The following PAX9 variants were observed in gnomAD, a reference collection of about 807,000 sequenced individuals.
PAX9 encodes the protein paired box 9.
In PAX9, 6 loss-of-function variants were observed where a neutral mutation model predicts 29.1. The observed-to-expected ratio is 0.21, with a 90% CI of 0.11 to 0.41. The LOEUF (loss-of-function observed/expected upper bound fraction) is 0.41. PAX9 is among the 10% of genes least tolerant of loss of function. The probability of loss-of-function intolerance (pLI) is 1.00; values close to 1 mark genes in which losing one functional copy is unlikely to be tolerated. For missense variants in PAX9, 443 were observed against 479.1 expected, an observed-to-expected ratio of 0.92 and a Z score of 0.70; for synonymous variants, 217 against 211.7, an observed-to-expected ratio of 1.03 and a Z score of -0.22.
At chr14:36,674,954 G>A (rs991950193) in intron 3 of PAX9, among the ~76,000 whole-genome samples, 12 of 152,142 alleles carry the variant, frequency 7.9e-5, no homozygotes, top group African/African-American at 2.9e-4. Flanking sequence ...CCGCACCACT[G>A]CATTCTCATA....
At chr14:36,665,550 T>G (rs796186854) in intron 2 of PAX9, among the ~76,000 whole-genome samples, 7 of 152,286 alleles carry the variant, frequency 4.6e-5, no homozygotes, top group African/African-American at 1.7e-4. Flanking sequence ...ATGCCAATAA[T>G]TCAATATTCT....
intron 3 of PAX9, among the ~76,000 whole-genome samples, chr14:36,675,317 C>T (rs904128173): frequency 3.9e-5 from 6 of 152,038 alleles, no homozygotes. Context: ...GTAACGATAC[C>T]AACAATAATT....
chr14:36,676,365 C>G lies in PAX9; in HGVS notation c.939C>G (p.His313Gln). The G allele has an allele frequency of 1.2e-6, 2 of 1,614,168 alleles. No homozygotes were observed. The highest frequency in any genetic ancestry group is 1.7e-6 in the Non-Finnish European group (2 of 1,180,030). Residue 313 changes from histidine (H) to glutamine (Q), a missense_variant, in exon 4 of 4, where the codon CAC becomes CAG. His to Gln is a conservative substitution (Grantham distance 24, BLOSUM62 0). This residue lies in a region of PAX9 where 336 missense variants were observed against 317.2 expected (regional missense o/e 1.06). Transcript: ENST00000361487. ...QHAGGTSLSP[H>Q]NCDIPASLAF... is the part of the protein sequence containing the mutation. ...CTGGGGGCACCTCATTGTCTCCCCA[C>G]AACTGTGACATTCCGGCATCGCTGG...
intron 3 of PAX9, among the ~76,000 whole-genome samples, chr14:36,675,907 C>T (rs921131947): frequency 2.0e-5 from 3 of 152,198 alleles, no homozygotes; most frequent in Non-Finnish European, 4.4e-5. Context: ...TCTCACCCTG[C>T]ACCTCCTTCC....
upstream of PAX9, among the ~76,000 whole-genome samples, chr14:36,660,155 A>G (rs1429806215): frequency 6.6e-6 from 1 of 152,184 alleles, no homozygotes; most frequent in Non-Finnish European, 1.5e-5. Flanking sequence ...CAAAGTCTCA[A>G]CTAATTTATC....
Position 36,676,269 on chromosome 14 carries a change from C to T in PAX9, c.843C>T (p.Ala281=). The change falls in exon 4 of 4, where the codon GCC becomes GCT. Residue 281 remains alanine (A), a synonymous_variant. Transcript: ENST00000361487. ...GCATGGCTCCTTACCCTACCCCAGC[C>T]CAAGTGTCGCCTTACATGACCTACA... ...ASSMAPYPTP[A]QVSPYMTYSA... is the part of the protein sequence containing the mutation. 1 of 1,614,188 alleles carries T rather than the reference C, an allele frequency of 6.2e-7. No individual in the cohort carries two copies. The highest frequency in any genetic ancestry group is 8.5e-7 in the Non-Finnish European group (1 of 1,180,044).
intron 3 of PAX9, among the ~76,000 whole-genome samples, chr14:36,668,589 A>T (rs766610219): frequency 6.6e-6 from 1 of 152,042 alleles, no homozygotes; most frequent in Non-Finnish European, 1.5e-5. Flanking sequence ...GGGTTTCACC[A>T]TGTTGGCCTG....
intron 3 of PAX9, among the ~76,000 whole-genome samples, chr14:36,668,616 T>G (rs921091642): frequency 4.6e-5 from 7 of 152,150 alleles, no homozygotes; most frequent in Non-Finnish European, 1.0e-4. Flanking sequence ...CTTGATCTCC[T>G]GACCTCGTGA....
chr14:36,661,881 T>G lies in PAX9; in HGVS notation c.-209T>G. Reference sequence around the variant, plus strand: ...GCTCAGCCCAGCCCACGTTGCTGCTTAGATTGAAATGCAGAACTCAAGCCT... The same window carrying G: ...GCTCAGCCCAGCCCACGTTGCTGCTGAGATTGAAATGCAGAACTCAAGCCT... On this transcript the variant is annotated 5_prime_UTR_variant, in exon 1 of 4. Transcript: ENST00000361487. 1.5e-6 allele frequency: 1 copy of G among 657,510 alleles called. No homozygotes were observed. Among genetic ancestry groups the G allele is most frequent in the Non-Finnish European group, 2.7e-6 (1 of 367,206 alleles). 40.7% of individuals were successfully genotyped at this position (657,510 alleles called of 1,614,324 possible).
intron 3 of PAX9, among the ~76,000 whole-genome samples, chr14:36,674,190 C>A (rs1247952278): frequency 1.3e-5 from 2 of 152,294 alleles, no homozygotes; most frequent in East Asian, 3.9e-4. Context: ...CAGCCATTCT[C>A]AAAAAGTGGA....
chr14:36,673,963 T>C (rs1483036911), intron 3 of PAX9, among the ~76,000 whole-genome samples: 2 of 152,218 alleles, frequency 1.3e-5, no homozygotes. Flanking sequence ...AAATATTAGT[T>C]AACACCACAT....
intron 1 of PAX9, 183 bp from the exon 2 acceptor site, chr14:36,662,714 G>A (rs763554065): frequency 7.2e-6 from 5 of 694,238 alleles, no homozygotes; most frequent in Non-Finnish European, 1.2e-5. Flanking sequence ...GGGTCCGATT[G>A]GACAGTGACG....
chr14:36,659,201 A>G (rs1263364234), upstream of PAX9, among the ~76,000 whole-genome samples: 1 of 152,234 alleles, frequency 6.6e-6, no homozygotes, highest in African/African-American at 2.4e-5. Context: ...CTGAGTCCAG[A>G]GTGAGCAGTG....
In PAX9 at chr14:36,666,466, C is replaced by A. The variant is rs910966729; in HGVS notation, c.636C>A (p.Ser212Arg). Residue 212 changes from serine (S) to arginine (R), a missense_variant, in exon 3 of 4, where the codon AGC becomes AGA. Physicochemically the swap from Ser to Arg is moderately radical, Grantham distance 110 (BLOSUM62 -1). Coordinates refer to ENST00000361487, the MANE Select transcript of PAX9 (RefSeq NM_001372076.1). ...ACCCTCTCTTCTCTCCATCAGTGAG[C>A]GACAGCTCCCCCTACCACAGCCCCA... is the stretch of plus-strand genomic sequence containing the variant. ...LGIRSITDQV[S>R]DSSPYHSPKV... 2.5e-6 allele frequency: 4 copies of A among 1,610,520 alleles called. No individual in the cohort carries two copies. In the African/African-American group the frequency reaches 4.0e-5, roughly 16 times the overall value.
chr14:36,673,780 A>T (rs796646096), intron 3 of PAX9, among the ~76,000 whole-genome samples: 4 of 152,336 alleles, frequency 2.6e-5, no homozygotes, highest in African/African-American at 9.6e-5. Flanking sequence ...TGCTAACTAG[A>T]ACATTGTTTC....
rs1443494904 is a variant in PAX9, at chr14:36,677,483, TAA to T, written c.*1032_*1033del. On this transcript the variant is annotated 3_prime_UTR_variant, in exon 4 of 4. Transcript: ENST00000361487. The stretch of plus-strand genomic sequence containing the variant: ...CTCTAAAGGAAGTCACTTAGAAACT[TAA>T]GTTTAATGTGAAATGTTTTGCAAAG... The T allele has an allele frequency of 6.6e-6, 1 of 152,244 alleles. No homozygotes were observed. The highest frequency in any genetic ancestry group is 1.9e-4 in the East Asian group (1 of 5,204). The allele number at this position is 152,244 out of a possible 1,614,324, so 9.4% of individuals were successfully genotyped here.
In PAX9 at chr14:36,662,438, C is replaced by G. The variant is rs116730750; in HGVS notation, c.4+345C>G. 8.8e-3 allele frequency: 3,628 copies of G among 414,172 alleles called. 117 individuals are homozygous for G. The highest frequency in any genetic ancestry group is 0.067 in the African/African-American group (3,278 of 48,698). 25.7% of individuals were successfully genotyped at this position (414,172 alleles called of 1,614,324 possible). On this transcript the variant is annotated intron_variant, in intron 1 of 3. Transcript: ENST00000361487. ...AACAGGAAAAGAAAAGAAAAGAAAA[C>G]AAACAACAACAAATAAAACACCCTC...
At chr14:36,673,210 C>T (rs1468016946) in intron 3 of PAX9, among the ~76,000 whole-genome samples, 1 of 151,992 alleles carries the variant, frequency 6.6e-6, no homozygotes, top group Non-Finnish European at 1.5e-5. Flanking sequence ...AGCTTCTCTT[C>T]CTACCCTGTC....
chr14:36,662,789 G>A, intron 1 of PAX9, 108 bp from the exon 2 acceptor site: 1 of 1,370,398 alleles, frequency 7.3e-7, no homozygotes, highest in Non-Finnish European at 1.0e-6. Context: ...TAGTTAGTAG[G>A]GGACGGGTGC....
Sources: gnomAD v4.1 joint callset for allele counts (sites outside exome capture counted in the v4.1 genomes callset) on GRCh38, gnomAD v4.1.1 for gene constraint, gnomAD v4.1.1 regional missense constraint, MANE v1.5 for transcripts, NCBI Gene and HGNC (gene_info 2026-07-23, HGNC 2026-07-21) for gene names.